Variants in HOGA1 observed in about 807,000 individuals in gnomAD.
HOGA1 encodes 4-hydroxy-2-oxoglutarate aldolase, mitochondrial.
A neutral mutation model predicts 34.3 loss-of-function variants in HOGA1; 30 were observed. That is an observed-to-expected ratio of 0.87 (90% CI 0.65 to 1.19). HOGA1 has a LOEUF of 1.19. Among genes scored for constraint, HOGA1 ranks in the 50% most tolerant of loss-of-function variants. The pLI is 0.00. For missense variants in HOGA1, 417 were observed against 436.5 expected (o/e 0.96, Z 0.40); for synonymous variants, 161 against 174.0 (o/e 0.93, Z 0.59).
intron 1 of HOGA1, among the ~76,000 whole-genome samples, chr10:97,588,692 C>T (rs1281268658): frequency 1.3e-5 from 2 of 152,182 alleles, no homozygotes; most frequent in Non-Finnish European, 2.9e-5. Context: ...TGAGGTTCTC[C>T]ATAAAACACT....
Position 97,598,886 on chromosome 10 carries a change from C to T in HOGA1, c.323C>T (p.Ala108Val). The change falls in exon 2 of 7, where the codon GCT (alanine) becomes GTT (valine). Residue 108 changes from alanine (A) to valine (V), a missense_variant. By Grantham distance (64) the Ala-to-Val change is moderately conservative. Transcript: ENST00000370646. ...QAMPKNRLLLAGSGCESTQAT... is the reference protein window; with the variant it reads ...QAMPKNRLLLVGSGCESTQAT... ...ATGCCCAAGAACAGGCTCCTGCTAGCTGGCTCCGGATGCGAGTGTGAGCCA... is the reference window on the plus strand; with the variant it reads ...ATGCCCAAGAACAGGCTCCTGCTAGTTGGCTCCGGATGCGAGTGTGAGCCA... 1 of 1,614,102 alleles carries T rather than the reference C, an allele frequency of 6.2e-7. No homozygotes were observed. The highest frequency in any genetic ancestry group is 2.2e-5 in the East Asian group (1 of 44,884).
intron 1 of HOGA1, among the ~76,000 whole-genome samples, chr10:97,585,746 AC>A (rs889737776): frequency 2.6e-5 from 4 of 151,698 alleles, no homozygotes; most frequent in African/African-American, 9.7e-5. Context: ...CTCATTATAA[AC>A]CCTTTGGAGC....
intron 1 of HOGA1, chr10:97,590,748 A>T: frequency 3.1e-6 from 2 of 640,142 alleles, no homozygotes; most frequent in Non-Finnish European, 5.5e-6. Flanking sequence ...GGCTCTTTAA[A>T]CTCCATGAGT....
Position 97,584,453 on chromosome 10 carries a change from A to C in HOGA1, c.-251A>C. On this transcript the variant is annotated 5_prime_UTR_variant, in exon 1 of 7. Coordinates refer to ENST00000370646, the MANE Select transcript of HOGA1 (RefSeq NM_138413.4). The stretch of plus-strand genomic sequence containing the variant: ...TTGGGATCCCAGAAACCAGTCCTAT[A>C]TCTGGCCAGAGGGACACTGGGTTGT... The C allele has an allele frequency of 2.1e-6, 1 of 485,522 alleles. No homozygotes were observed. The highest frequency in any genetic ancestry group is 1.9e-5 in the African/African-American group (1 of 52,028). The allele number at this position is 485,522 out of a possible 1,614,324, so 30.1% of individuals were successfully genotyped here.
Position 97,612,014 on chromosome 10 carries a change from C to CT in HOGA1, c.*359dup, listed in dbSNP as rs561998392. On this transcript the variant is annotated 3_prime_UTR_variant, in exon 7 of 7. Transcript: ENST00000370646. Reference sequence around the variant, plus strand: ...CAAGTAGGCACAGTAAGGGAATTTTCTTTTCTTTTTTTTTTTTTTTGAGAC... The same window carrying CT: ...CAAGTAGGCACAGTAAGGGAATTTTCTTTTTCTTTTTTTTTTTTTTTGAGAC... The CT allele has an allele frequency of 5.1e-6, 1 of 197,032 alleles. No individual in the cohort carries two copies. The highest frequency in any genetic ancestry group is 1.0e-5 in the Non-Finnish European group (1 of 98,432). 12.2% of individuals were successfully genotyped at this position (197,032 alleles called of 1,614,324 possible).
At chr10:97,602,301 C>T (rs2041125355) in intron 6 of HOGA1, 9 of 1,313,526 alleles carry the variant, frequency 6.9e-6, no homozygotes, top group Non-Finnish European at 7.9e-6. Flanking sequence ...CAGAGTAACC[C>T]TAGGACCACA....
chr10:97,605,410 C>CAAA (rs71007355), intron 6 of HOGA1, among the ~76,000 whole-genome samples: 10 of 142,254 alleles, frequency 7.0e-5, no homozygotes, highest in East Asian at 6.3e-4. Flanking sequence ...GATCCTGTCT[C>CAAA]AAAAAAAAAA....
chr10:97,611,968 C>A lies in HOGA1; in HGVS notation c.*309C>A. 1 of 371,714 alleles carries A rather than the reference C, an allele frequency of 2.7e-6. No individual in the cohort carries two copies. The allele number at this position is 371,714 out of a possible 1,614,324, so 23.0% of individuals were successfully genotyped here. A position where few individuals can be genotyped will look rare whatever the true frequency, so the allele number is the denominator to read the frequency against. On this transcript the variant is annotated 3_prime_UTR_variant, in exon 7 of 7. Transcript: ENST00000370646. The stretch of plus-strand genomic sequence containing the variant: ...TCCTACGCCCTGAGGCACATGAAGT[C>A]AGAAAGGAAGGGCAGAGGGGCAAGT...
chr10:97,593,341 G>T (rs561636852), intron 1 of HOGA1, among the ~76,000 whole-genome samples: 2 of 152,184 alleles, frequency 1.3e-5, no homozygotes, highest in Non-Finnish European at 2.9e-5. Flanking sequence ...GCTGGGTGTG[G>T]TGGCAGGCAC....
intron 6 of HOGA1, among the ~76,000 whole-genome samples, chr10:97,610,774 T>C (rs2041188951): frequency 6.6e-6 from 1 of 152,018 alleles, no homozygotes; most frequent in African/African-American, 2.4e-5. Flanking sequence ...CACTCCAGCC[T>C]GGGTGACAGA....
At position 97,602,026 on chromosome 10, in the gene HOGA1, G is replaced by A. The variant is rs755324242; in HGVS notation, c.834+36G>A. On this transcript the variant is annotated intron_variant, in intron 6 of 6. Coordinates refer to ENST00000370646, the MANE Select transcript of HOGA1 (RefSeq NM_138413.4). ...GGCAGCGGGGGCGCGGCCTGGCGGGGGGTGGGCAGTCTGTGTCCTCATTGG... is the reference window on the plus strand; with the variant it reads ...GGCAGCGGGGGCGCGGCCTGGCGGGAGGTGGGCAGTCTGTGTCCTCATTGG... The A allele has an allele frequency of 2.5e-6, 4 of 1,589,766 alleles. No homozygotes were observed. The African/African-American group carries it at 5.4e-5, about 21-fold the overall frequency.
At chr10:97,593,519 A>G (rs61863285) in intron 1 of HOGA1, among the ~76,000 whole-genome samples, 5,088 of 152,258 alleles carry the variant, frequency 0.033, 125 homozygotes, top group Non-Finnish European at 0.051. Context: ...AGTTCATCAC[A>G]AAAATGCTTA....
At chr10:97,594,397 C>T (rs1381968137) in intron 1 of HOGA1, among the ~76,000 whole-genome samples, 1 of 151,888 alleles carries the variant, frequency 6.6e-6, no homozygotes, top group East Asian at 1.9e-4. Flanking sequence ...CACTGTCACC[C>T]AGGCTGCAGT....
At chr10:97,595,370 T>G (rs577790148) in intron 1 of HOGA1, among the ~76,000 whole-genome samples, 21 of 152,346 alleles carry the variant, frequency 1.4e-4, no homozygotes, top group African/African-American at 4.3e-4. Context: ...TTCGAAGTAC[T>G]TTATAAATAG....
intron 1 of HOGA1, among the ~76,000 whole-genome samples, chr10:97,586,439 A>AT (rs911023780): frequency 4.6e-5 from 7 of 152,202 alleles, no homozygotes; most frequent in African/African-American, 1.7e-4. Flanking sequence ...TACTGAGGGA[A>AT]TGTGCCCCTT....
intron 1 of HOGA1, among the ~76,000 whole-genome samples, chr10:97,593,910 C>T (rs2041048465): frequency 6.6e-6 from 1 of 152,146 alleles, no homozygotes; most frequent in African/African-American, 2.4e-5. Flanking sequence ...CTCTTGTCAC[C>T]CAGGCTTGAG....
At chr10:97,602,473 C>A (rs941224723) in intron 6 of HOGA1, 2 of 985,226 alleles carry the variant, frequency 2.0e-6, no homozygotes. Flanking sequence ...AGACTGTATA[C>A]CCCAATTCTT....
At position 97,601,910 on chromosome 10, in the gene HOGA1, C is replaced by T. The variant is rs1311447368; in HGVS notation, c.754C>T (p.Gln252Ter). ...LANVLGAQVC[Q>*]LERLCCTGQW... ...CAATGTCCTGGGGGCTCAGGTGTGC[C>T]AGCTGGAGCGACTGTGCTGCACGGG... Residue 252 changes from glutamine (Q) to a stop codon, truncating the protein, a stop_gained, in exon 6 of 7, where the codon CAG becomes TAG. Transcript: ENST00000370646. LOFTEE classifies it high-confidence loss of function. 1 of 1,612,854 alleles carries T rather than the reference C, an allele frequency of 6.2e-7. No homozygotes were observed. The highest frequency in any genetic ancestry group is 1.1e-5 in the South Asian group (1 of 90,968).
chr10:97,608,293 A>G (rs2135727954), intron 6 of HOGA1, among the ~76,000 whole-genome samples: 1 of 152,316 alleles, frequency 6.6e-6, no homozygotes, highest in East Asian at 1.9e-4. Context: ...CCTGGACAAA[A>G]GAGCAAGACC....
Sources: gnomAD v4.1 joint callset for allele counts (sites outside exome capture counted in the v4.1 genomes callset) on GRCh38, gnomAD v4.1.1 for gene constraint, MANE v1.5 for transcripts, NCBI Gene and HGNC (gene_info 2026-07-23, HGNC 2026-07-21) for gene names.